Variants in LMO7 observed in about 807,000 individuals in gnomAD.
The protein encoded by LMO7 is LIM domain 7.
Under a neutral mutation model 206.5 loss-of-function variants are expected in LMO7, and 120 were observed. That is an observed-to-expected ratio of 0.58 (90% CI 0.50 to 0.68). The LOEUF is 0.68. LMO7 is among the 30% of genes least tolerant of loss of function. The pLI is 0.00. For missense variants in LMO7, 1,959 were observed against 1,957.9 expected, an observed-to-expected ratio of 1.00 and a Z score of -0.01; for synonymous variants, 706 against 681.5, an observed-to-expected ratio of 1.04 and a Z score of -0.56.
At chr13:75,672,467 C>G (rs2039671458) in intron 1 of LMO7, among the ~76,000 whole-genome samples, 1 of 152,018 alleles carries the variant, frequency 6.6e-6, no homozygotes, top group Non-Finnish European at 1.5e-5. Flanking sequence ...TCTCGAACTC[C>G]CTACCTCAGG....
At chr13:75,626,347 C>T (rs1417214724) in intron 2 of LMO7, among the ~76,000 whole-genome samples, 1 of 151,300 alleles carries the variant, frequency 6.6e-6, no homozygotes, top group Non-Finnish European at 1.5e-5. Context: ...ATGGTGGCAG[C>T]AAGAGAAAAT....
intron 1 of LMO7, among the ~76,000 whole-genome samples, chr13:75,672,970 T>A (rs559150528): frequency 6.6e-6 from 1 of 152,234 alleles, no homozygotes; most frequent in South Asian, 2.1e-4. Context: ...ACTTAAAAAC[T>A]TTTTATCTAG....
At chr13:75,737,614 G>A (rs1474254893) in intron 3 of LMO7, among the ~76,000 whole-genome samples, 5 of 146,330 alleles carry the variant, frequency 3.4e-5, no homozygotes, top group Admixed American at 1.3e-4. Context: ...TTAGCCGGGC[G>A]TGGTAGCGGG....
intron 14 of LMO7, among the ~76,000 whole-genome samples, 184 bp downstream of exon 14, chr13:75,821,793 A>G (rs2057597518): frequency 6.6e-6 from 1 of 152,212 alleles, no homozygotes; most frequent in African/African-American, 2.4e-5. Flanking sequence ...ATGATACAGA[A>G]TTTATTAAAC....
Position 75,623,301 on chromosome 13 carries a change from GA to G in LMO7, c.208del (p.Arg70GlyfsTer8). The G allele has an allele frequency of 6.9e-7, 1 of 1,447,226 alleles. No homozygotes were observed. Among genetic ancestry groups the G allele is most frequent in the Non-Finnish European group, 9.7e-7 (1 of 1,031,466 alleles). 89.6% of individuals were successfully genotyped at this position (1,447,226 alleles called of 1,614,324 possible). A position where few individuals can be genotyped will look rare whatever the true frequency, so the allele number is the denominator to read the frequency against. Reference sequence around the variant, plus strand: ...ATTTTGAGGACTGAACAAAATTCAGGAAGGACTATTCTCATTAAGGTAATAT... The same window carrying G: ...ATTTTGAGGACTGAACAAAATTCAGGAGGACTATTCTCATTAAGGTAATAT... On this transcript the variant is annotated frameshift_variant, in exon 2 of 30. Transcript: ENST00000341547. LOFTEE classifies it high-confidence loss of function.
At chr13:75,768,583 A>G (rs1037391065) in intron 4 of LMO7, among the ~76,000 whole-genome samples, 5 of 152,046 alleles carry the variant, frequency 3.3e-5, no homozygotes, top group African/African-American at 1.2e-4. Flanking sequence ...CACTTTTTAA[A>G]ATCTAAACTA....
At chr13:75,850,508 T>C (rs1411324988) in intron 27 of LMO7, among the ~76,000 whole-genome samples, 1 of 152,226 alleles carries the variant, frequency 6.6e-6, no homozygotes, top group African/African-American at 2.4e-5. Flanking sequence ...AGTAAGGAGA[T>C]ACTCAGTAGT....
At position 75,809,828 on chromosome 13, in the gene LMO7, A is replaced by ATTT. The variant is rs35825600; in HGVS notation, c.1946+664_1946+666dup. ...CTAATATCACTGTTGCAAAAACTAC[A>ATTT]TTTTTTTTTTTTTTTTTTTTTGAGA... On this transcript the variant is annotated intron_variant, in intron 11 of 30. Transcript: ENST00000377534. Among the ~76,000 whole-genome samples the ATTT allele has an allele frequency of 7.1e-3, 866 of 122,608 alleles. 30 individuals are homozygous for ATTT. The highest frequency in any genetic ancestry group is 0.025 in the African/African-American group (798 of 32,120). 80.4% of individuals were successfully genotyped at this position (122,608 alleles called of 152,430 possible).
chr13:75,696,342 G>A (rs934168637), intron 1 of LMO7, among the ~76,000 whole-genome samples: 14 of 150,974 alleles, frequency 9.3e-5, no homozygotes, highest in African/African-American at 3.4e-4. Flanking sequence ...GCGACAGAGT[G>A]AGACTCCATC....
chr13:75,649,706 C>T (rs2037378533), intron 1 of LMO7, among the ~76,000 whole-genome samples: 1 of 152,144 alleles, frequency 6.6e-6, no homozygotes, highest in Non-Finnish European at 1.5e-5. Flanking sequence ...AAAATCATTC[C>T]CTACTGTCAG....
chr13:75,713,284 A>G, intron 2 of LMO7, 32 bp downstream of exon 2: 1 of 1,514,584 alleles, frequency 6.6e-7, no homozygotes, highest in African/African-American at 1.5e-5. Context: ...AAAATAATTC[A>G]AAAGCAAAGA....
chr13:75,845,951 C>A (rs892762236), intron 26 of LMO7, among the ~76,000 whole-genome samples: 1 of 152,012 alleles, frequency 6.6e-6, no homozygotes, highest in South Asian at 2.1e-4. Flanking sequence ...CATAAGCAGG[C>A]GGCTGGTCAT....
intron 1 of LMO7, among the ~76,000 whole-genome samples, chr13:75,676,576 A>G (rs1221805349): frequency 1.3e-5 from 2 of 152,188 alleles, no homozygotes; most frequent in African/African-American, 4.8e-5. Flanking sequence ...CTTTGTATCA[A>G]TCCACACCTG....
At chr13:75,766,873 A>G (rs1444067999) in intron 4 of LMO7, among the ~76,000 whole-genome samples, 1 of 152,116 alleles carries the variant, frequency 6.6e-6, no homozygotes, top group Admixed American at 6.6e-5. Flanking sequence ...CTTCCTGGAT[A>G]TCTTAAAACC....
chr13:75,846,772 G>A (rs563402094), intron 26 of LMO7, among the ~76,000 whole-genome samples: 1 of 152,254 alleles, frequency 6.6e-6, no homozygotes, highest in African/African-American at 2.4e-5. Flanking sequence ...TAAAAACTTG[G>A]TTATACCAAA....
At chr13:75,680,817 G>A (rs1004134128) in intron 1 of LMO7, among the ~76,000 whole-genome samples, 2 of 151,892 alleles carry the variant, frequency 1.3e-5, no homozygotes, top group African/African-American at 4.8e-5. Context: ...GAGAACATAC[G>A]GTGTTAGGTT....
chr13:75,669,900 C>G (rs887508196), intron 1 of LMO7, among the ~76,000 whole-genome samples: 1 of 152,162 alleles, frequency 6.6e-6, no homozygotes, highest in Non-Finnish European at 1.5e-5. Context: ...GGGACATGAT[C>G]TGGTGGAAAC....
rs41286126 is a variant in LMO7 at position 75,821,328 on chromosome 13, C to T, written c.2359C>T (p.Pro787Ser). 107,540 of 1,613,864 alleles carry T rather than the reference C, an allele frequency of 0.067. 3,809 individuals carry two copies. The highest frequency in any genetic ancestry group is 0.091 in the South Asian group (8,269 of 91,060). Residue 787 changes from proline to serine, a missense_variant, in exon 14 of 31, where the codon CCT becomes TCT. Coordinates refer to ENST00000377534, the MANE Select transcript of LMO7 (RefSeq NM_001306080.2). ...AGTAGAAGAGAAGGGAGCAACTTAT[C>T]CTTCAGAAATTCCCAAAGAAGATTC... Reference protein sequence around the residue: ...ERVEEKGATYPSEIPKEDSTT... With the variant: ...ERVEEKGATYSSEIPKEDSTT...
chr13:75,713,765 C>T (rs1303238837), intron 2 of LMO7, among the ~76,000 whole-genome samples: 1 of 152,142 alleles, frequency 6.6e-6, no homozygotes, highest in East Asian at 1.9e-4. Context: ...TTGAGAACCA[C>T]ACCCCAGACT....
Sources: gnomAD v4.1 joint callset for allele counts (sites outside exome capture counted in the v4.1 genomes callset) on GRCh38, gnomAD v4.1.1 for gene constraint, MANE v1.5 for transcripts, NCBI Gene and HGNC (gene_info 2026-07-23, HGNC 2026-07-21) for gene names.